FSTL5: variants seen among roughly 807,000 people sequenced by gnomAD.
The protein encoded by FSTL5 is follistatin like 5, also known as follistatin-related protein 5.
Under a neutral mutation model 89.1 loss-of-function variants are expected in FSTL5, and 62 were observed. That is an observed-to-expected ratio of 0.70 (90% confidence interval 0.57 to 0.86). The LOEUF (loss-of-function observed/expected upper bound fraction) is 0.86. FSTL5 is among the 40% of genes least tolerant of loss of function. FSTL5 has a pLI of 0.00. For missense variants in FSTL5, 1,057 were observed against 1,001.6 expected (o/e 1.06, Z -0.75); for synonymous variants, 383 against 346.2 (o/e 1.11, Z -1.18).
In FSTL5 at chr4:161,437,541, T is replaced by TG. The variant is rs1472088577; in HGVS notation, c.1841+17462dup. Among the ~76,000 whole-genome samples the TG allele has an allele frequency of 4.5e-5, 3 of 67,012 alleles. 1 individual carries two copies. The highest frequency in any genetic ancestry group is 2.1e-4 in the Admixed American group (1 of 4,728). The allele number at this position is 67,012 out of a possible 152,430, so 44.0% of individuals were successfully genotyped here. A position where few individuals can be genotyped will look rare whatever the true frequency, so the allele number is the denominator to read the frequency against. The stretch of plus-strand genomic sequence containing the variant: ...GAGATGGCGCCACCGCACTCCAGCC[T>TG]GGTGACAGAGTGAGACTCCGTCTCA... On this transcript the variant is annotated intron_variant, in intron 15 of 15. Coordinates refer to ENST00000306100, the MANE Select transcript of FSTL5 (RefSeq NM_020116.5).
chr4:161,516,624 T>C (rs1052361815), intron 10 of FSTL5, among the ~76,000 whole-genome samples: 2 of 22,760 alleles, frequency 8.8e-5, no homozygotes, highest in African/African-American at 2.2e-4. Context: ...TTATATATTT[T>C]ATATAATAAA....
chr4:161,481,145 C>A lies in FSTL5; in HGVS notation c.1483G>T (p.Gly495Ter). The change falls in exon 13 of 16, where the codon GGA becomes TGA. Residue 495 changes from glycine (G) to a stop codon, truncating the protein, a stop_gained. Coordinates refer to ENST00000306100, the MANE Select transcript of FSTL5 (RefSeq NM_020116.5). LOFTEE classifies it high-confidence loss of function. ...CACACACACCTCTGAACTTCATCTC[C>A]CTCAGCTTTGGGACAGACTTCATCC... ...FQDEVCPKAE[G>*]DEVQRCVWAS... 6.2e-7 allele frequency: 1 copy of A among 1,611,096 alleles called. No homozygotes were observed.
At chr4:161,992,314 A>G (rs571141583) in intron 3 of FSTL5, among the ~76,000 whole-genome samples, 1 of 152,312 alleles carries the variant, frequency 6.6e-6, no homozygotes, top group Non-Finnish European at 1.5e-5. Context: ...AGGTAAAAGT[A>G]GCATGAACAA....
intron 15 of FSTL5, among the ~76,000 whole-genome samples, chr4:161,422,913 T>C (rs542134648): frequency 1.1e-4 from 16 of 152,352 alleles, no homozygotes; most frequent in Admixed American, 8.5e-4. Context: ...AAGGCATTTA[T>C]ATTACACTTA....
intron 3 of FSTL5, among the ~76,000 whole-genome samples, chr4:162,000,188 T>C: frequency 6.6e-6 from 1 of 152,254 alleles, no homozygotes; most frequent in Admixed American, 6.5e-5. Flanking sequence ...GAATAGTCTA[T>C]GCTCTAAAAT....
rs1447319991 is a variant in FSTL5 at position 161,585,531 on chromosome 4, AAGAC to A, written c.1015+1920_1015+1923del. On this transcript the variant is annotated intron_variant, in intron 8 of 15. Transcript: ENST00000306100. ...GACTGGGAATGAGGATAAGAGATAA[AAGAC>A]AGAATTAATTGCTAGCCAAAAATGA... Among the ~76,000 whole-genome samples the A allele has an allele frequency of 2.0e-5, 3 of 151,788 alleles. No individual in the cohort carries two copies. The East Asian group carries it at 5.8e-4, about 29-fold the overall frequency.
At chr4:161,699,904 A>G in intron 6 of FSTL5, among the ~76,000 whole-genome samples, 1 of 152,192 alleles carries the variant, frequency 6.6e-6, no homozygotes, top group African/African-American at 2.4e-5. Flanking sequence ...TAAAATGTCA[A>G]AATCTACCAA....
At chr4:161,395,547 A>C (rs1264187167) in intron 15 of FSTL5, among the ~76,000 whole-genome samples, 2 of 152,142 alleles carry the variant, frequency 1.3e-5, no homozygotes, top group Non-Finnish European at 2.9e-5. Context: ...TTTTATAATT[A>C]GATTGGCTGA....
chr4:161,914,101 C>T (rs1041788961), intron 4 of FSTL5, among the ~76,000 whole-genome samples: 47 of 152,204 alleles, frequency 3.1e-4, no homozygotes, highest in Admixed American at 1.6e-3. Context: ...TGAATTGTAT[C>T]TCCCAGAATT....
chr4:161,473,576 G>A (rs566988003), intron 13 of FSTL5, among the ~76,000 whole-genome samples: 16 of 151,878 alleles, frequency 1.1e-4, no homozygotes, highest in African/African-American at 2.7e-4. Context: ...CTACAGGTGC[G>A]TGTCACCACA....
At chr4:161,402,645 G>T (rs897459219) in intron 15 of FSTL5, among the ~76,000 whole-genome samples, 1 of 152,084 alleles carries the variant, frequency 6.6e-6, no homozygotes, top group Non-Finnish European at 1.5e-5. Context: ...CTTGGACTTG[G>T]TCTGATCTGC....
chr4:162,126,741 T>C (rs1463457605), intron 1 of FSTL5, among the ~76,000 whole-genome samples: 1 of 152,234 alleles, frequency 6.6e-6, no homozygotes, highest in Non-Finnish European at 1.5e-5. Context: ...TTTTTGGGCA[T>C]TATGCATTTT....
chr4:161,870,359 TAC>T (rs942790697), intron 4 of FSTL5, among the ~76,000 whole-genome samples: 2 of 150,300 alleles, frequency 1.3e-5, no homozygotes, highest in Non-Finnish European at 3.0e-5. Context: ...CACACACACG[TAC>T]ACACACACAC....
At chr4:161,915,856 G>A (rs1162879508) in intron 4 of FSTL5, among the ~76,000 whole-genome samples, 1 of 151,922 alleles carries the variant, frequency 6.6e-6, no homozygotes, top group Non-Finnish European at 1.5e-5. Flanking sequence ...TTGTTTAAAT[G>A]GTATAAAAGG....
intron 4 of FSTL5, among the ~76,000 whole-genome samples, chr4:161,833,769 G>A (rs1730932417): frequency 1.3e-5 from 2 of 151,694 alleles, no homozygotes; most frequent in African/African-American, 4.8e-5. Context: ...TTGAGCCTAT[G>A]TGTGTCTCTG....
intron 3 of FSTL5, among the ~76,000 whole-genome samples, chr4:162,026,680 G>A (rs1221695188): frequency 1.3e-5 from 2 of 152,072 alleles, no homozygotes; most frequent in African/African-American, 2.4e-5. Context: ...TTTGGTGATT[G>A]AAAGAACAAT....
At chr4:161,618,943 T>A (rs563267788) in intron 7 of FSTL5, among the ~76,000 whole-genome samples, 2 of 152,208 alleles carry the variant, frequency 1.3e-5, no homozygotes, top group Non-Finnish European at 2.9e-5. Flanking sequence ...CAAACTATAC[T>A]ATAAGGCTAC....
chr4:161,489,087 T>C (rs1017351187), intron 12 of FSTL5, among the ~76,000 whole-genome samples: 1 of 152,136 alleles, frequency 6.6e-6, no homozygotes, highest in South Asian at 2.1e-4. Flanking sequence ...TTTTTAAAAA[T>C]ATTGAATTAG....
chr4:161,470,208 T>A (rs1266001559), intron 13 of FSTL5, among the ~76,000 whole-genome samples: 5 of 152,172 alleles, frequency 3.3e-5, no homozygotes, highest in Admixed American at 6.5e-5. Flanking sequence ...TGCTCTTTCG[T>A]CTAACAGTTT....
Sources: allele counts gnomAD v4.1 joint callset (sites outside exome capture counted in the v4.1 genomes callset), GRCh38; gene constraint gnomAD v4.1.1; transcripts MANE v1.5; gene names NCBI Gene and HGNC (gene_info 2026-07-23, HGNC 2026-07-21).